KIAA1217: variants seen among roughly 807,000 people sequenced by gnomAD.
KIAA1217 encodes sickle tail protein homolog.
Under a neutral mutation model 163.9 loss-of-function variants are expected in KIAA1217, and 88 were observed. That is an observed-to-expected ratio of 0.54 (90% CI 0.45 to 0.64). The LOEUF is 0.64. Among genes scored for constraint, KIAA1217 ranks in the 30% least tolerant of loss-of-function variants. KIAA1217 has a pLI of 0.00. For synonymous variants in KIAA1217, 903 were observed against 923.1 expected, an observed-to-expected ratio of 0.98 and a Z score of 0.39; for missense variants, 2,372 against 2,475.0, an observed-to-expected ratio of 0.96 and a Z score of 0.88.
At chr10:24,264,077 T>C (rs2075972150) in intron 2 of KIAA1217, among the ~76,000 whole-genome samples, 1 of 152,124 alleles carries the variant, frequency 6.6e-6, no homozygotes, top group African/African-American at 2.4e-5. Flanking sequence ...CAGGCTGGTA[T>C]CGAATTCCTG....
chr10:24,062,727 A>G (rs2060778364), intron 2 of KIAA1217, among the ~76,000 whole-genome samples: 1 of 151,934 alleles, frequency 6.6e-6, no homozygotes, highest in Non-Finnish European at 1.5e-5. Flanking sequence ...GACTTCCACA[A>G]TGGTTGAACT....
At chr10:23,796,587 T>C (rs1277637766) in intron 1 of KIAA1217, among the ~76,000 whole-genome samples, 2 of 152,048 alleles carry the variant, frequency 1.3e-5, no homozygotes, top group Non-Finnish European at 2.9e-5. Flanking sequence ...GGTCTTAAAC[T>C]CCTGACTTCA....
At chr10:23,950,075 TA>T (rs962613674) in intron 1 of KIAA1217, among the ~76,000 whole-genome samples, 1 of 152,190 alleles carries the variant, frequency 6.6e-6, no homozygotes. Context: ...CAGTAAGTGA[TA>T]GAGGAGAAAT....
At chr10:24,360,559 A>G (rs2049835149) in intron 2 of KIAA1217, among the ~76,000 whole-genome samples, 1 of 152,174 alleles carries the variant, frequency 6.6e-6, no homozygotes, top group Non-Finnish European at 1.5e-5. Flanking sequence ...CCCGAGTTTG[A>G]ACCAGGGCCA....
chr10:23,863,335 C>T (rs1330363015), intron 1 of KIAA1217, among the ~76,000 whole-genome samples: 4 of 152,184 alleles, frequency 2.6e-5, no homozygotes, highest in Non-Finnish European at 5.9e-5. Context: ...GAATGTGTCT[C>T]CTCCAAAATT....
chr10:23,843,096 A>C (rs550706637), intron 1 of KIAA1217, among the ~76,000 whole-genome samples: 1 of 152,224 alleles, frequency 6.6e-6, no homozygotes, highest in South Asian at 2.1e-4. Context: ...ATCAATGTAA[A>C]TGTTTCTACT....
intron 1 of KIAA1217, among the ~76,000 whole-genome samples, chr10:23,953,438 C>T (rs1844426374): frequency 6.6e-6 from 1 of 152,148 alleles, no homozygotes; most frequent in South Asian, 2.1e-4. Flanking sequence ...GATACATTAG[C>T]TGTTGAATGG....
At chr10:24,384,940 C>T (rs558782255) in intron 3 of KIAA1217, among the ~76,000 whole-genome samples, 29 of 152,332 alleles carry the variant, frequency 1.9e-4, no homozygotes, top group Admixed American at 1.7e-3. Context: ...GACCTCACCC[C>T]AGTGCTGGCC....
At chr10:24,284,436 C>T (rs1031573240) in intron 2 of KIAA1217, among the ~76,000 whole-genome samples, 35 of 152,212 alleles carry the variant, frequency 2.3e-4, no homozygotes, top group Non-Finnish European at 4.6e-4. Flanking sequence ...TATTTATGTC[C>T]GTGTGTTTAT....
chr10:24,074,951 G>C (rs929592952), intron 2 of KIAA1217, among the ~76,000 whole-genome samples: 1 of 152,000 alleles, frequency 6.6e-6, no homozygotes, highest in Admixed American at 6.6e-5. Flanking sequence ...CGCCTGCCTT[G>C]GTCTCCAAAA....
chr10:24,021,147 CAAT>C, intron 2 of KIAA1217, among the ~76,000 whole-genome samples: 1 of 151,560 alleles, frequency 6.6e-6, no homozygotes, highest in Non-Finnish European at 1.5e-5. Flanking sequence ...TACAAAATCT[CAAT>C]AGATAAGTAG....
At chr10:23,704,172 G>GTGTGTGTGTGTGTATATATATATATA (rs1229370789) in intron 1 of KIAA1217, among the ~76,000 whole-genome samples, 1 of 39,926 alleles carries the variant, frequency 2.5e-5, no homozygotes, top group African/African-American at 1.3e-4. Context: ...GTGTGTGTGT[G>GTGTGTGTGTGTGTATATATATATATA]TATATATATA....
intron 13 of KIAA1217, among the ~76,000 whole-genome samples, chr10:24,527,490 A>G (rs1243479329): frequency 7.3e-6 from 1 of 137,884 alleles, no homozygotes; most frequent in Non-Finnish European, 1.6e-5. Context: ...AACAGAACCC[A>G]TTGCTACTTA....
At chr10:24,509,048 T>C (rs975765524) in intron 9 of KIAA1217, among the ~76,000 whole-genome samples, 3 of 152,222 alleles carry the variant, frequency 2.0e-5, no homozygotes, top group Admixed American at 6.5e-5. Flanking sequence ...TCTGTAAACT[T>C]TGTGCCTCAA....
At position 24,139,909 on chromosome 10, in the gene KIAA1217, A is replaced by T. The variant is rs542756141; in HGVS notation, c.-170-79717A>T. Among the ~76,000 whole-genome samples, 10 of 152,340 alleles carry T rather than the reference A, an allele frequency of 6.6e-5. No individual in the cohort carries two copies. The South Asian group carries it at 2.1e-3, about 32-fold the overall frequency. ...TTTGGCACAGTAAGTGATTGATAAC[A>T]ATAACTAGTAGTAAAGTCAAGCAAA... On this transcript the variant is annotated intron_variant, in intron 2 of 18. Coordinates refer to the KIAA1217 transcript ENST00000376462.
In KIAA1217 at chr10:23,912,773, G is replaced by A. The variant is rs1842489176; in HGVS notation, c.-320-94452G>A. ...ATAAAATAATCATTTGCCTTTCAAT[G>A]AGATTGAAAGAATGAAACACACATT... is the stretch of plus-strand genomic sequence containing the variant. On this transcript the variant is annotated intron_variant, in intron 1 of 18. Transcript: ENST00000376462. Among the ~76,000 whole-genome samples, 2 of 152,154 alleles carry A rather than the reference G, an allele frequency of 1.3e-5. 1 individual carries two copies. Among genetic ancestry groups the A allele is most frequent in the African/African-American group, 4.8e-5 (2 of 41,430 alleles).
chr10:24,321,945 A>G (rs1753672526), intron 2 of KIAA1217, among the ~76,000 whole-genome samples: 1 of 151,656 alleles, frequency 6.6e-6, no homozygotes, highest in Admixed American at 6.6e-5. Flanking sequence ...CTGACATTTT[A>G]TTTTATTTTA....
intron 1 of KIAA1217, among the ~76,000 whole-genome samples, chr10:23,833,897 G>T (rs1245416274): frequency 6.6e-6 from 1 of 151,662 alleles, no homozygotes; most frequent in African/African-American, 2.4e-5. Flanking sequence ...TAAAAAATCT[G>T]CTTTTCTTGT....
chr10:24,545,068 C>T lies in KIAA1217; in HGVS notation c.5299C>T (p.Gln1767Ter). 1 of 1,614,158 alleles carries T rather than the reference C, an allele frequency of 6.2e-7. No homozygotes were observed. The highest frequency in any genetic ancestry group is 8.5e-7 in the Non-Finnish European group (1 of 1,180,018). Reference sequence around the variant, plus strand: ...CGGAACCCTGGACAAACCCGGCAAGCAGTCCAAACTGCAGGATCCCCGCCA... The same window carrying T: ...CGGAACCCTGGACAAACCCGGCAAGTAGTCCAAACTGCAGGATCCCCGCCA... The part of the protein sequence containing the change: ...RPGTLDKPGK[Q>*]SKLQDPRQYR... The change falls in exon 20 of 21, where the codon CAG becomes TAG. Residue 1767 changes from glutamine to a stop codon, truncating the protein, a stop_gained. Coordinates refer to ENST00000376454, the MANE Select transcript of KIAA1217 (RefSeq NM_019590.5). LOFTEE classifies it high-confidence loss of function.
Sources: allele counts gnomAD v4.1 joint callset (sites outside exome capture counted in the v4.1 genomes callset), GRCh38; gene constraint gnomAD v4.1.1; transcripts MANE v1.5; gene names NCBI Gene and HGNC (gene_info 2026-07-23, HGNC 2026-07-21).